The following KRTAP5-3 variants were observed in gnomAD, a reference collection of about 807,000 sequenced individuals.
KRTAP5-3 encodes keratin associated protein 5-3.
KRTAP5-3 carries 1 observed loss-of-function variant against 2.3 expected under a neutral mutation model. The ratio of observed to expected loss-of-function variants is 0.44; its 90% confidence interval spans 0.16 to 2.10. The LOEUF is 2.10. Ranked by LOEUF, KRTAP5-3 falls within the 30% of genes most tolerant of loss-of-function variation. The pLI, the probability that KRTAP5-3 is intolerant of heterozygous loss-of-function variation, is 0.28. For missense variants in KRTAP5-3, 229 were observed against 291.4 expected (o/e 0.79, Z 1.56); for synonymous variants, 92 against 117.6 (o/e 0.78, Z 1.41).
In KRTAP5-3 at chr11:1,607,692, T is replaced by C. The variant is rs1849427778; in HGVS notation, c.694A>G (p.Ile232Val). 1 of 1,614,042 alleles carries C rather than the reference T, an allele frequency of 6.2e-7. No individual in the cohort carries two copies. Among genetic ancestry groups the C allele is most frequent in the Non-Finnish European group, 8.5e-7 (1 of 1,179,998 alleles). ...CSSQSSCCVP[I>V]CCQCKI Reference sequence around the variant, plus strand: ...CCTCAGATCTTGCACTGGCAGCAAATTGGGACACAGCAGCTGGACTGGGAG... The same window carrying C: ...CCTCAGATCTTGCACTGGCAGCAAACTGGGACACAGCAGCTGGACTGGGAG... Residue 232 changes from isoleucine to valine, a missense_variant, in exon 1 of 1, where the codon ATT (isoleucine) becomes GTT (valine). Ile to Val is a conservative substitution (Grantham distance 29, BLOSUM62 3). This residue lies in a region of KRTAP5-3 where 39 missense variants were observed against 83.8 expected (regional missense o/e 0.47). Coordinates refer to ENST00000399685, the MANE Select transcript of KRTAP5-3 (RefSeq NM_001012708.2).
Position 1,607,633 on chromosome 11 carries a change from G to A in KRTAP5-3, c.*36C>T. Reference sequence around the variant, plus strand: ...GCTGCAATCATTCCTGGAGAGCCCGGATCTGTAGGACCCACTGAGGTTTGT... The same window carrying A: ...GCTGCAATCATTCCTGGAGAGCCCGAATCTGTAGGACCCACTGAGGTTTGT... On this transcript the variant is annotated 3_prime_UTR_variant, in exon 1 of 1. Transcript: ENST00000399685. 6.2e-7 allele frequency: 1 copy of A among 1,613,972 alleles called. No homozygotes were observed. Among genetic ancestry groups the A allele is most frequent in the African/African-American group, 1.3e-5 (1 of 75,056 alleles).
Position 1,608,080 on chromosome 11 carries a change from GCCA to G in KRTAP5-3, c.303_305del (p.Gly102del). 1.2e-6 allele frequency: 2 copies of G among 1,601,638 alleles called. No homozygotes were observed. The highest frequency in any genetic ancestry group is 1.7e-6 in the Non-Finnish European group (2 of 1,177,502). On this transcript the variant is annotated inframe_deletion, in exon 1 of 1. Coordinates refer to ENST00000399685, the MANE Select transcript of KRTAP5-3 (RefSeq NM_001012708.2). ...AGACCCCCTTGGAACCCCCACAGGAGCCACAGCTGGAGGAGCAGCAGACGGGCA... is the reference window on the plus strand; with the variant it reads ...AGACCCCCTTGGAACCCCCACAGGAGCAGCTGGAGGAGCAGCAGACGGGCA...
rs7108370 is a variant in KRTAP5-3 at position 1,608,303 on chromosome 11, T to G, written c.83A>C (p.Tyr28Ser). ...GSSCGGCGSG[Y>S]GGCGSGCCVP... ...ACAGCAGCCGGAGCCACAGCCCCCA[T>G]AGCCGGAGCCACAGCCCCCACAGCT... The change falls in exon 1 of 1, where the codon TAT becomes TCT. Residue 28 changes from tyrosine (Y) to serine (S), a missense_variant. By Grantham distance (144) the Tyr-to-Ser change is moderately radical. Around this residue, in one of 2 missense-constraint regions of KRTAP5-3, gnomAD observed 190 missense variants for 207.6 expected, o/e 0.92. Transcript: ENST00000399685. The G allele has an allele frequency of 1.9e-6, 3 of 1,559,968 alleles. No individual in the cohort carries two copies. The highest frequency in any genetic ancestry group is 1.4e-5 in the African/African-American group (1 of 69,120).
At position 1,607,892 on chromosome 11, in the gene KRTAP5-3, C is replaced by T. The variant is rs1315076533; in HGVS notation, c.494G>A (p.Cys165Tyr). 2 of 1,611,142 alleles carry T rather than the reference C, an allele frequency of 1.2e-6. No individual in the cohort carries two copies. The highest frequency in any genetic ancestry group is 1.1e-5 in the South Asian group (1 of 90,814). Residue 165 changes from cysteine (C) to tyrosine (Y), a missense_variant, in exon 1 of 1, where the codon TGT becomes TAT. By Grantham distance (194) the Cys-to-Tyr change is radical. Coordinates refer to ENST00000399685, the MANE Select transcript of KRTAP5-3 (RefSeq NM_001012708.2). ...GGGCTTACAGCAGCTGGACTGGGAA[C>T]AGCAGGGCTTACAGCAGCTGGACTG... ...CSQSSCCKPC[C>Y]SQSSCCKPCC...
Position 1,608,158 on chromosome 11 carries a change from G to A in KRTAP5-3, c.228C>T (p.Gly76=), listed in dbSNP as rs559951600. ...CCTTGGAGCCTCCACAGGAGCCACA[G>A]CCCCCCTTGCAGCCCCCACAAGAGC... is the stretch of plus-strand genomic sequence containing the variant. ...VCGSCGGCKG[G]CGSCGGSKGG... The change falls in exon 1 of 1, where the codon GGC becomes GGT. Residue 76 remains glycine (G), a synonymous_variant. Transcript: ENST00000399685. 1 of 1,602,528 alleles carries A rather than the reference G, an allele frequency of 6.2e-7. No homozygotes were observed. The highest frequency in any genetic ancestry group is 8.5e-7 in the Non-Finnish European group (1 of 1,175,526).
rs1334178077 is a variant in KRTAP5-3 at position 1,608,130 on chromosome 11, C to G, written c.256G>C (p.Gly86Arg). 38 of 1,596,342 alleles carry G rather than the reference C, an allele frequency of 2.4e-5. No individual in the cohort carries two copies. Among genetic ancestry groups the G allele is most frequent in the Non-Finnish European group, 3.1e-5 (36 of 1,173,050 alleles). ...GGCACACAGCAGCTGGAGCCACAGC[C>G]CCCCTTGGAGCCTCCACAGGAGCCA... ...GCGSCGGSKG[G>R]CGSSCCVPVC... The change falls in exon 1 of 1, where the codon GGC becomes CGC. Residue 86 changes from glycine to arginine, a missense_variant. Coordinates refer to ENST00000399685, the MANE Select transcript of KRTAP5-3 (RefSeq NM_001012708.2).
chr11:1,607,895 C>T lies in KRTAP5-3; in HGVS notation c.491G>A (p.Cys164Tyr), dbSNP rs1211634456. 6.2e-6 allele frequency: 10 copies of T among 1,610,136 alleles called. No individual in the cohort carries two copies. The African/African-American group carries it at 1.3e-4, about 22-fold the overall frequency. The change falls in exon 1 of 1, where the codon TGC becomes TAC. Residue 164 changes from cysteine (C) to tyrosine (Y), a missense_variant. Cys to Tyr is a radical substitution (Grantham distance 194). Around this residue, in one of 2 missense-constraint regions of KRTAP5-3, gnomAD observed 190 missense variants for 207.6 expected, o/e 0.92. Transcript: ENST00000399685. ...SCSQSSCCKP[C>Y]CSQSSCCKPC... ...CTTACAGCAGCTGGACTGGGAACAGCAGGGCTTACAGCAGCTGGACTGGGA... is the reference window on the plus strand; with the variant it reads ...CTTACAGCAGCTGGACTGGGAACAGTAGGGCTTACAGCAGCTGGACTGGGA...
Position 1,608,316 on chromosome 11 carries a change from A to T in KRTAP5-3, c.70T>A (p.Cys24Ser), listed in dbSNP as rs1849440858. 4 of 1,608,874 alleles carry T rather than the reference A, an allele frequency of 2.5e-6. No homozygotes were observed. Among genetic ancestry groups the T allele is most frequent in the Admixed American group, 1.7e-5 (1 of 59,796 alleles). The change falls in exon 1 of 1, where the codon TGT becomes AGT. Residue 24 changes from cysteine to serine, a missense_variant. By Grantham distance (112) the Cys-to-Ser change is moderately radical. Coordinates refer to ENST00000399685, the MANE Select transcript of KRTAP5-3 (RefSeq NM_001012708.2). ...CGGCGSSCGGCGSGYGGCGSG... is the reference protein window; with the variant it reads ...CGGCGSSCGGSGSGYGGCGSG... ...CCACAGCCCCCATAGCCGGAGCCACAGCCCCCACAGCTGGAGCCACAGCCC... is the reference window on the plus strand; with the variant it reads ...CCACAGCCCCCATAGCCGGAGCCACTGCCCCCACAGCTGGAGCCACAGCCC...
Position 1,607,800 on chromosome 11 carries a change from G to T in KRTAP5-3, c.586C>A (p.Gln196Lys). 1 of 1,558,316 alleles carries T rather than the reference G, an allele frequency of 6.4e-7. No individual in the cohort carries two copies. Among genetic ancestry groups the T allele is most frequent in the Non-Finnish European group, 8.7e-7 (1 of 1,144,496 alleles). ...QSSCCKPCCSQSSCCKPCCCS... is the reference protein window; with the variant it reads ...QSSCCKPCCSKSSCCKPCCCS... ...CAGCAGGGCTTACAGCAGCTGGACTGGGAACAGCAGGGTTTGCAGCAGCTG... is the reference window on the plus strand; with the variant it reads ...CAGCAGGGCTTACAGCAGCTGGACTTGGAACAGCAGGGTTTGCAGCAGCTG... Residue 196 changes from glutamine (Q) to lysine (K), a missense_variant, in exon 1 of 1, where the codon CAG becomes AAG. Gln to Lys is a moderately conservative substitution (Grantham distance 53). Transcript: ENST00000399685.
chr11:1,608,093 G>A lies in KRTAP5-3; in HGVS notation c.293C>T (p.Ser98Phe), dbSNP rs201658644. 1.8e-5 allele frequency: 29 copies of A among 1,591,564 alleles called. No homozygotes were observed. The Admixed American group carries it at 1.9e-4, about 11-fold the overall frequency. The change falls in exon 1 of 1, where the codon TCC (serine) becomes TTC (phenylalanine). Residue 98 changes from serine (S) to phenylalanine (F), a missense_variant. By Grantham distance (155) the Ser-to-Phe change is radical. Coordinates refer to ENST00000399685, the MANE Select transcript of KRTAP5-3 (RefSeq NM_001012708.2). Reference sequence around the variant, plus strand: ...ACCCCCACAGGAGCCACAGCTGGAGGAGCAGCAGACGGGCACACAGCAGCT... The same window carrying A: ...ACCCCCACAGGAGCCACAGCTGGAGAAGCAGCAGACGGGCACACAGCAGCT... ...GSSCCVPVCC[S>F]SSCGSCGGSK...
rs761136306 is a variant in KRTAP5-3, at chr11:1,608,323, A to C, written c.63T>G (p.Cys21Trp). The C allele has an allele frequency of 6.9e-6, 11 of 1,604,632 alleles. No homozygotes were observed. In the African/African-American group the frequency reaches 1.2e-4, roughly 18 times the overall value. Residue 21 changes from cysteine to tryptophan, a missense_variant, in exon 1 of 1, where the codon TGT (cysteine) becomes TGG (tryptophan). By Grantham distance (215) the Cys-to-Trp change is radical (BLOSUM62 -2). This residue lies in a region of KRTAP5-3 where 190 missense variants were observed against 207.6 expected (regional missense o/e 0.92). Transcript: ENST00000399685. ...CCCCATAGCCGGAGCCACAGCCCCC[A>C]CAGCTGGAGCCACAGCCCCCACAGC... ...GSSCGGCGSS[C>W]GGCGSGYGGC...
chr11:1,607,786 AC>A lies in KRTAP5-3; in HGVS notation c.599del (p.Cys200LeufsTer66). On this transcript the variant is annotated frameshift_variant, in exon 1 of 1. Coordinates refer to ENST00000399685, the MANE Select transcript of KRTAP5-3 (RefSeq NM_001012708.2). LOFTEE classifies it low-confidence loss of function (END_TRUNC). ...CKPCCSQSSC[C>X]KPCCCSSGCG... ...AGCCTGAGGAGCAGCAGCAGGGCTT[AC>A]AGCAGCTGGACTGGGAACAGCAGGG... 1.9e-6 allele frequency: 3 copies of A among 1,560,894 alleles called. No homozygotes were observed. The highest frequency in any genetic ancestry group is 1.7e-6 in the Non-Finnish European group (2 of 1,146,246).
rs753967188 is a variant in KRTAP5-3 at position 1,608,282 on chromosome 11, CAGCCGGAGCCACAGCCCCCAT to C, written c.83_103del (p.Tyr28_Gly34del). The C allele has an allele frequency of 3.1e-5, 50 of 1,612,056 alleles. No individual in the cohort carries two copies. Among genetic ancestry groups the C allele is most frequent in the South Asian group, 3.3e-5 (3 of 90,950 alleles). ...CTTGCAGCAGCAGACAGGTACACAGCAGCCGGAGCCACAGCCCCCATAGCCGGAGCCACAGCCCCCACAGCT... is the reference window on the plus strand; with the variant it reads ...CTTGCAGCAGCAGACAGGTACACAGCAGCCGGAGCCACAGCCCCCACAGCT... On this transcript the variant is annotated inframe_deletion, in exon 1 of 1. Coordinates refer to ENST00000399685, the MANE Select transcript of KRTAP5-3 (RefSeq NM_001012708.2).
At position 1,607,666 on chromosome 11, in the gene KRTAP5-3, G is replaced by A. The variant is rs149535111; in HGVS notation, c.*3C>T. On this transcript the variant is annotated 3_prime_UTR_variant, in exon 1 of 1. Coordinates refer to ENST00000399685, the MANE Select transcript of KRTAP5-3 (RefSeq NM_001012708.2). ...GGACCCACTGAGGTTTGTGGGCAGAGCCTCAGATCTTGCACTGGCAGCAAA... is the reference window on the plus strand; with the variant it reads ...GGACCCACTGAGGTTTGTGGGCAGAACCTCAGATCTTGCACTGGCAGCAAA... 1.4e-3 allele frequency: 2,252 copies of A among 1,605,724 alleles called. 9 individuals are homozygous for A. Among genetic ancestry groups the A allele is most frequent in the Admixed American group, 4.5e-3 (270 of 59,480 alleles).
In KRTAP5-3 at chr11:1,608,123, C is replaced by G; in HGVS notation, c.263G>C (p.Gly88Ala). 1.3e-6 allele frequency: 2 copies of G among 1,598,180 alleles called. No individual in the cohort carries two copies. Among genetic ancestry groups the G allele is most frequent in the Middle Eastern group, 2.2e-4 (1 of 4,550 alleles). ...GSCGGSKGGCGSSCCVPVCCS... is the reference protein window; with the variant it reads ...GSCGGSKGGCASSCCVPVCCS... ...GCAGACGGGCACACAGCAGCTGGAG[C>G]CACAGCCCCCCTTGGAGCCTCCACA... Residue 88 changes from glycine to alanine, a missense_variant, in exon 1 of 1, where the codon GGC becomes GCC. Transcript: ENST00000399685.
chr11:1,608,182 G>T lies in KRTAP5-3; in HGVS notation c.204C>A (p.Gly68=), dbSNP rs1417530489. 6.4e-7 allele frequency: 1 copy of T among 1,569,870 alleles called. No homozygotes were observed. The highest frequency in any genetic ancestry group is 1.8e-5 in the Admixed American group (1 of 55,728). Residue 68 remains glycine, a synonymous_variant, in exon 1 of 1, where the codon GGC becomes GGA. Coordinates refer to ENST00000399685, the MANE Select transcript of KRTAP5-3 (RefSeq NM_001012708.2). Reference sequence around the variant, plus strand: ...AGCCCCCCTTGCAGCCCCCACAAGAGCCACAGACCCCCTTGGAGCCCCCAC... The same window carrying T: ...AGCCCCCCTTGCAGCCCCCACAAGATCCACAGACCCCCTTGGAGCCCCCAC... ...GSCGGSKGVC[G]SCGGCKGGCG... is the part of the protein sequence containing the mutation.
rs770302716 is a variant in KRTAP5-3 at position 1,607,914 on chromosome 11, ACTGGGAGCAGCTGGG to A, written c.457_471del (p.Pro153_Gln157del). 1 of 1,611,316 alleles carries A rather than the reference ACTGGGAGCAGCTGGG, an allele frequency of 6.2e-7. No individual in the cohort carries two copies. The highest frequency in any genetic ancestry group is 1.1e-5 in the South Asian group (1 of 90,812). On this transcript the variant is annotated inframe_deletion, in exon 1 of 1. Coordinates refer to ENST00000399685, the MANE Select transcript of KRTAP5-3 (RefSeq NM_001012708.2). Reference sequence around the variant, plus strand: ...GAACAGCAGGGCTTACAGCAGCTGGACTGGGAGCAGCTGGGCTTGCAGCAGCTGGACTGGCAGCAG... The same window carrying A: ...GAACAGCAGGGCTTACAGCAGCTGGACTTGCAGCAGCTGGACTGGCAGCAG...
chr11:1,608,219 C>T lies in KRTAP5-3; in HGVS notation c.167G>A (p.Ser56Asn), dbSNP rs199596169. 2.1e-4 allele frequency: 340 copies of T among 1,610,004 alleles called. 1 individual carries two copies. The African/African-American group carries it at 4.2e-3, about 20-fold the overall frequency. ...CCCVPACSCS[S>N]CGSCGGSKGV... ...CTTGGAGCCCCCACAGGAGCCACAG[C>T]TGGAGCAGGAACAGGCTGGCACACA... The change falls in exon 1 of 1, where the codon AGC becomes AAC. Residue 56 changes from serine to asparagine, a missense_variant. By Grantham distance (46) the Ser-to-Asn change is conservative. Coordinates refer to ENST00000399685, the MANE Select transcript of KRTAP5-3 (RefSeq NM_001012708.2).
In KRTAP5-3 at chr11:1,608,436, G is replaced by A; in HGVS notation, c.-51C>T. 2.0e-6 allele frequency: 3 copies of A among 1,464,292 alleles called. No individual in the cohort carries two copies. The highest frequency in any genetic ancestry group is 1.4e-5 in the African/African-American group (1 of 73,670). 90.7% of individuals were successfully genotyped at this position (1,464,292 alleles called of 1,614,324 possible). A position where few individuals can be genotyped will look rare whatever the true frequency, so the allele number is the denominator to read the frequency against. ...AGGTAGAGGAGCAGGTGAGAGGGAGGTGTGCAGGTGTGGAGTTCTCTGAGC... is the reference window on the plus strand; with the variant it reads ...AGGTAGAGGAGCAGGTGAGAGGGAGATGTGCAGGTGTGGAGTTCTCTGAGC... On this transcript the variant is annotated 5_prime_UTR_variant, in exon 1 of 1. Coordinates refer to ENST00000399685, the MANE Select transcript of KRTAP5-3 (RefSeq NM_001012708.2).
Sources: allele counts gnomAD v4.1 joint callset, GRCh38; gene constraint gnomAD v4.1.1; regional missense constraint gnomAD v4.1.1; transcripts MANE v1.5; gene names NCBI Gene and HGNC (gene_info 2026-07-23, HGNC 2026-07-21).